Variants in DGKB observed in about 807,000 individuals in gnomAD.
DGKB encodes 90 kDa diacylglycerol kinase.
In DGKB, 67 loss-of-function variants were observed where a neutral mutation model predicts 114.3. The observed-to-expected ratio is 0.59, with a 90% confidence interval of 0.48 to 0.72. DGKB has a LOEUF of 0.72. Among genes scored for constraint, DGKB ranks in the 30% least tolerant of loss-of-function variants. The probability of loss-of-function intolerance (pLI) is 0.00; values close to 1 mark genes in which losing one functional copy is unlikely to be tolerated. For missense variants in DGKB, 907 were observed against 975.2 expected, an observed-to-expected ratio of 0.93 and a Z score of 0.93; for synonymous variants, 398 against 323.1, an observed-to-expected ratio of 1.23 and a Z score of -2.49.
chr7:14,577,309 C>A (rs1799269921), intron 19 of DGKB, among the ~76,000 whole-genome samples: 1 of 152,020 alleles, frequency 6.6e-6, no homozygotes, highest in African/African-American at 2.4e-5. Flanking sequence ...AGAAATGCAA[C>A]AACAAATCTG....
chr7:14,445,418 C>T (rs1373140401), intron 21 of DGKB, among the ~76,000 whole-genome samples: 1 of 151,842 alleles, frequency 6.6e-6, no homozygotes, highest in Non-Finnish European at 1.5e-5. Flanking sequence ...ATAGAACTAT[C>T]CCCCAAACTT....
At chr7:14,298,030 A>T (rs1183270438) in intron 23 of DGKB, among the ~76,000 whole-genome samples, 2 of 152,204 alleles carry the variant, frequency 1.3e-5, no homozygotes, top group African/African-American at 4.8e-5. Flanking sequence ...GGAGAACTGC[A>T]AACAACTGCT....
intron 17 of DGKB, among the ~76,000 whole-genome samples, chr7:14,597,834 G>A (rs1289081462): frequency 6.6e-6 from 1 of 152,066 alleles, no homozygotes; most frequent in Admixed American, 6.6e-5. Context: ...ACATGTGTGT[G>A]TGTGTGCATG....
chr7:14,214,809 C>A (rs370238484), intron 23 of DGKB, among the ~76,000 whole-genome samples: 1 of 152,062 alleles, frequency 6.6e-6, no homozygotes, highest in African/African-American at 2.4e-5. Flanking sequence ...TTTGTCATCA[C>A]CTAAGCTAAT....
chr7:14,311,751 C>G (rs1210272712), intron 23 of DGKB, among the ~76,000 whole-genome samples: 1 of 152,142 alleles, frequency 6.6e-6, no homozygotes, highest in African/African-American at 2.4e-5. Flanking sequence ...ATTGATTTTC[C>G]TAACATTTAT....
chr7:14,391,131 AAAT>A (rs1263627073), intron 21 of DGKB, among the ~76,000 whole-genome samples: 4 of 152,240 alleles, frequency 2.6e-5, no homozygotes, highest in African/African-American at 7.2e-5. Flanking sequence ...TTTTGTGATT[AAAT>A]AATAACTTTA....
At chr7:14,749,039 G>T (rs904667332) in intron 4 of DGKB, among the ~76,000 whole-genome samples, 1 of 151,730 alleles carries the variant, frequency 6.6e-6, no homozygotes, top group African/African-American at 2.4e-5. Context: ...TTTCTATTTC[G>T]CATTCTAATT....
At chr7:14,905,334 T>C (rs143869331), upstream of DGKB, among the ~76,000 whole-genome samples, 9 of 151,376 alleles carry the variant, frequency 5.9e-5, no homozygotes, top group African/African-American at 2.2e-4. Context: ...GGTTTGGTAA[T>C]GGAGGAAGAA....
chr7:14,635,940 T>C (rs1253879413), intron 13 of DGKB, among the ~76,000 whole-genome samples: 3 of 151,656 alleles, frequency 2.0e-5, no homozygotes, highest in South Asian at 2.1e-4. Context: ...TATAGCACTA[T>C]AGGTAATGAA....
At chr7:14,583,670 A>C (rs1800291768) in intron 17 of DGKB, among the ~76,000 whole-genome samples, 1 of 152,182 alleles carries the variant, frequency 6.6e-6, no homozygotes, top group Non-Finnish European at 1.5e-5. Flanking sequence ...ATCTGCAAAT[A>C]GGAGGCAGGC....
At chr7:14,952,540 C>T (rs2128261080) in intron 1 of DGKB, among the ~76,000 whole-genome samples, 1 of 144,742 alleles carries the variant, frequency 6.9e-6, no homozygotes, top group African/African-American at 2.7e-5. Context: ...AAATAATCCT[C>T]AAAATTAAAA....
chr7:14,471,485 A>G (rs532059212), intron 21 of DGKB, among the ~76,000 whole-genome samples: 1 of 149,124 alleles, frequency 6.7e-6, no homozygotes, highest in East Asian at 2.1e-4. Flanking sequence ...AATAATTTGA[A>G]AATTGTATAC....
chr7:14,532,959 T>C (rs1791842572), intron 20 of DGKB, among the ~76,000 whole-genome samples: 2 of 151,704 alleles, frequency 1.3e-5, no homozygotes, highest in African/African-American at 4.8e-5. Context: ...ATTGCAAGAA[T>C]AAAAGGATCA....
chr7:14,669,828 T>G (rs907492269), intron 13 of DGKB, among the ~76,000 whole-genome samples: 4 of 152,090 alleles, frequency 2.6e-5, no homozygotes, highest in African/African-American at 9.7e-5. Context: ...GCAAACTGAA[T>G]CCCAGAACAC....
At chr7:14,157,380 T>G (rs1783174600) in intron 25 of DGKB, among the ~76,000 whole-genome samples, 1 of 151,622 alleles carries the variant, frequency 6.6e-6, no homozygotes, top group African/African-American at 2.4e-5. Context: ...TGCCAGTTTT[T>G]TTTTTTTTTT....
chr7:14,627,586 C>G (rs181533261), intron 14 of DGKB, among the ~76,000 whole-genome samples: 8 of 149,110 alleles, frequency 5.4e-5, no homozygotes, highest in African/African-American at 9.8e-5. Flanking sequence ...ATGTCTGTGT[C>G]TGTGTGTGTG....
intron 1 of DGKB, among the ~76,000 whole-genome samples, chr7:14,895,730 T>C (rs1327471043): frequency 6.6e-6 from 1 of 151,604 alleles, no homozygotes; most frequent in Non-Finnish European, 1.5e-5. Flanking sequence ...TATAAGTAAG[T>C]ACTTCTGTCT....
At chr7:14,165,638 C>T (rs903810856) in intron 25 of DGKB, among the ~76,000 whole-genome samples, 8 of 152,060 alleles carry the variant, frequency 5.3e-5, no homozygotes, top group African/African-American at 1.2e-4. Flanking sequence ...AAGTGATCAA[C>T]GGATTCCATT....
chr7:14,235,338 T>A (rs1792597880), intron 23 of DGKB, among the ~76,000 whole-genome samples: 2 of 152,088 alleles, frequency 1.3e-5, no homozygotes, highest in African/African-American at 4.8e-5. Context: ...TCTCTACAGT[T>A]TTCTCAGCAT....
Sources: gnomAD v4.1 joint callset for allele counts (sites outside exome capture counted in the v4.1 genomes callset) on GRCh38, gnomAD v4.1.1 for gene constraint, MANE v1.5 for transcripts, NCBI Gene and HGNC (gene_info 2026-07-23, HGNC 2026-07-21) for gene names.